CCDC187: variants seen among roughly 807,000 people sequenced by gnomAD.
CCDC187 encodes coiled-coil domain containing 187, also known as coiled-coil domain-containing protein 187.
A neutral mutation model predicts 38.0 loss-of-function variants in CCDC187; 32 were observed. The ratio of observed to expected loss-of-function variants is 0.84; its 90% CI spans 0.64 to 1.13. The LOEUF (loss-of-function observed/expected upper bound fraction) is 1.13, where lower values mean the gene tolerates loss of function less well. Ranked by LOEUF, CCDC187 falls within the 50% of genes most tolerant of loss-of-function variation. The pLI is 0.00. For synonymous variants in CCDC187, 333 were observed against 347.9 expected (o/e 0.96, Z 0.48); for missense variants, 707 against 786.8 (o/e 0.90, Z 1.21).
At chr9:136,283,887 T>C (rs1242975444) in intron 9 of CCDC187, among the ~76,000 whole-genome samples, 1 of 152,076 alleles carries the variant, frequency 6.6e-6, no homozygotes. Flanking sequence ...AGAGGCGAGG[T>C]CTGGCCCGAT....
chr9:136,301,891 A>G (rs1376549715), intron 2 of CCDC187, among the ~76,000 whole-genome samples: 3 of 151,958 alleles, frequency 2.0e-5, no homozygotes, highest in African/African-American at 7.3e-5. Flanking sequence ...CCCGGACTAC[A>G]TATTTTTTTT....
intron 9 of CCDC187, among the ~76,000 whole-genome samples, chr9:136,282,641 G>A (rs1448389933): frequency 6.6e-6 from 1 of 152,200 alleles, no homozygotes; most frequent in African/African-American, 2.4e-5. Context: ...TGGCCCAGGG[G>A]TTGTTAGGCA....
At chr9:136,304,773 C>T (rs974419590), upstream of CCDC187, among the ~76,000 whole-genome samples, 19 of 152,318 alleles carry the variant, frequency 1.2e-4, no homozygotes, top group South Asian at 4.1e-4. Context: ...TCCATCCCCG[C>T]GGGAGGTGGC....
intron 12 of CCDC187, among the ~76,000 whole-genome samples, chr9:136,275,560 C>T (rs1830916242): frequency 6.6e-6 from 1 of 152,192 alleles, no homozygotes. Flanking sequence ...ATGTACTTCC[C>T]ACCATCGACC....
chr9:136,292,442 C>A (rs1359153746), intron 4 of CCDC187, 147 bp from the exon 5 acceptor site: 1 of 395,942 alleles, frequency 2.5e-6, no homozygotes, highest in East Asian at 3.6e-5. Context: ...CATGTCCAGG[C>A]CCCTGTTGGG....
rs968459901 is a variant in CCDC187 at position 136,258,059 on chromosome 9, G to A, written c.4366+873C>T. Among the ~76,000 whole-genome samples the A allele has an allele frequency of 4.6e-5, 7 of 152,176 alleles. No individual in the cohort carries two copies. The highest frequency in any genetic ancestry group is 9.7e-5 in the African/African-American group (4 of 41,450). ...CAGCTGGTACACGTGGCCATGCGGC[G>A]AGGGAGGCTTCAGGCTGAGCAAGCT... On this transcript the variant is annotated intron_variant, in intron 22 of 25. Transcript: ENST00000638797. The surrounding 1 kb of genome is among the most constrained non-coding windows in gnomAD (Gnocchi z 4.3).
chr9:136,287,938 C>T (rs960527118), intron 7 of CCDC187, among the ~76,000 whole-genome samples: 1 of 152,202 alleles, frequency 6.6e-6, no homozygotes, highest in Non-Finnish European at 1.5e-5. Context: ...TCAAGCAATC[C>T]TCCCACCTCA....
intron 4 of CCDC187, among the ~76,000 whole-genome samples, chr9:136,292,727 G>A (rs1262766428): frequency 1.3e-5 from 2 of 152,150 alleles, no homozygotes; most frequent in East Asian, 1.9e-4. Flanking sequence ...GCTGCACATC[G>A]GGCTCCGCGC....
At chr9:136,272,375 C>G (rs1361880620) in intron 14 of CCDC187, among the ~76,000 whole-genome samples, 3 of 152,082 alleles carry the variant, frequency 2.0e-5, no homozygotes, top group Admixed American at 6.6e-5. Flanking sequence ...TTAAAATAAG[C>G]CTGGGCAACA....
chr9:136,298,783 AG>A (rs1307479688), intron 3 of CCDC187, among the ~76,000 whole-genome samples: 2 of 152,184 alleles, frequency 1.3e-5, no homozygotes, highest in African/African-American at 4.8e-5. Flanking sequence ...GGTAGGTGCC[AG>A]GGGCTGGGGG....
At chr9:136,265,604 G>A (rs915011936) in intron 17 of CCDC187, 1 of 152,258 alleles carries the variant, frequency 6.6e-6, no homozygotes, top group Admixed American at 6.5e-5. Flanking sequence ...TTCCAAGGAG[G>A]AAACTGAGGC....
chr9:136,260,288 G>T, intron 19 of CCDC187, 24 bp from the exon 20 acceptor site: 1 of 984,794 alleles, frequency 1.0e-6, no homozygotes. Context: ...CAGAGTGGAG[G>T]TGACCGCCCG....
chr9:136,297,516 G>C (rs1313870525), intron 4 of CCDC187, among the ~76,000 whole-genome samples, 198 bp downstream of exon 4: 3 of 152,100 alleles, frequency 2.0e-5, no homozygotes, highest in Non-Finnish European at 4.4e-5. Flanking sequence ...GGTGGCCAAG[G>C]TCACCAGTTG....
rs988802830 is a variant in CCDC187, at chr9:136,301,974, G to T, written c.625+838C>A. On this transcript the variant is annotated intron_variant, in intron 2 of 25. Coordinates refer to ENST00000638797, the MANE Select transcript of CCDC187 (RefSeq NM_001378188.1). ...CACCTATAATCCCAGCACTTTGGGA[G>T]GCCGAGGTGGGCGGATCATGAGGTC... Among the ~76,000 whole-genome samples the T allele has an allele frequency of 3.3e-5, 5 of 152,172 alleles. No homozygotes were observed. In the South Asian group the frequency reaches 1.0e-3, roughly 32 times the overall value.
chr9:136,267,550 G>A, intron 15 of CCDC187, 39 bp from the exon 16 acceptor site: 1 of 985,626 alleles, frequency 1.0e-6, no homozygotes, highest in Non-Finnish European at 1.2e-6. Flanking sequence ...AAAGCTCTGG[G>A]TTCGGTGCTT....
chr9:136,276,764 G>A (rs1305158804), intron 10 of CCDC187, 37 bp from the exon 11 acceptor site: 1 of 152,244 alleles, frequency 6.6e-6, no homozygotes, highest in Non-Finnish European at 1.5e-5. Context: ...GAGTGGCCCA[G>A]GCCGCTCTCC....
rs1379581092 is a variant in CCDC187 at position 136,253,998 on chromosome 9, G to A, written c.5830C>T (p.Pro1944Ser). 1.0e-6 allele frequency: 1 copy of A among 985,412 alleles called. No individual in the cohort carries two copies. The highest frequency in any genetic ancestry group is 1.2e-6 in the Non-Finnish European group (1 of 829,974). The allele number at this position is 985,412 out of a possible 1,614,324, so 61.0% of individuals were successfully genotyped here. A position where few individuals can be genotyped will look rare whatever the true frequency, so the allele number is the denominator to read the frequency against. The stretch of plus-strand genomic sequence containing the variant: ...GCCAGCCTGCCTGGGTCCCCAGGAG[G>A]AGCCTGCAGGGTCACCGGGGTCTCG... ...EPETPVTLQA[P>S]PGDPGRLAPP... The change falls in exon 26 of 26, where the codon CCT (proline) becomes TCT (serine). Residue 1944 changes from proline to serine, a missense_variant. Physicochemically the swap from Pro to Ser is moderately conservative, Grantham distance 74. Coordinates refer to ENST00000638797, the MANE Select transcript of CCDC187 (RefSeq NM_001378188.1).
Position 136,263,730 on chromosome 9 carries a change from A to G in CCDC187, c.3804T>C (p.His1268=). The part of the protein sequence containing the change: ...RHRDRKLLLQ[H]QRDVVSMPGP... ...CCGGCATGGAGACGACGTCCCTCTG[A>G]TGCTGCAGAAGCAGCTTCCTGTCCC... Residue 1268 remains histidine (H), a synonymous_variant, in exon 18 of 26, where the codon CAT becomes CAC. Coordinates refer to ENST00000638797, the MANE Select transcript of CCDC187 (RefSeq NM_001378188.1). 1 of 985,462 alleles carries G rather than the reference A, an allele frequency of 1.0e-6. No homozygotes were observed. The highest frequency in any genetic ancestry group is 1.2e-6 in the Non-Finnish European group (1 of 829,936). The allele number at this position is 985,462 out of a possible 1,614,324, so 61.0% of individuals were successfully genotyped here.
chr9:136,284,542 G>A (rs1831125762), intron 9 of CCDC187, among the ~76,000 whole-genome samples: 1 of 152,160 alleles, frequency 6.6e-6, no homozygotes, highest in Non-Finnish European at 1.5e-5. Flanking sequence ...AGGACAGAGG[G>A]GTGAGAGTGG....
Sources: allele counts gnomAD v4.1 joint callset (sites outside exome capture counted in the v4.1 genomes callset), GRCh38; gene constraint gnomAD v4.1.1; non-coding constraint Gnocchi (gnomAD v3.1); transcripts MANE v1.5; gene names NCBI Gene and HGNC (gene_info 2026-07-23, HGNC 2026-07-21).